Variants in TSC22D4 observed in about 807,000 individuals in gnomAD.
TSC22D4 encodes the protein TSC22 domain family protein 4.
TSC22D4 carries 5 observed loss-of-function variants against 24.9 expected under a neutral mutation model. That is an observed-to-expected ratio of 0.20 (90% CI 0.10 to 0.42). TSC22D4 has a LOEUF of 0.42. Ranked by LOEUF, TSC22D4 falls within the 10% of genes least tolerant of loss-of-function variation. The pLI is 1.00. For missense variants in TSC22D4, 469 were observed against 547.9 expected, an observed-to-expected ratio of 0.86 and a Z score of 1.44; for synonymous variants, 245 against 243.2, an observed-to-expected ratio of 1.01 and a Z score of -0.07.
chr7:100,477,767 G>T lies in TSC22D4; in HGVS notation c.272C>A (p.Thr91Lys), dbSNP rs201068905. The change falls in exon 2 of 5, where the codon ACG becomes AAG. Residue 91 changes from threonine to lysine, a missense_variant. By Grantham distance (78) the Thr-to-Lys change is moderately conservative (BLOSUM62 -1). Coordinates refer to ENST00000300181, the MANE Select transcript of TSC22D4 (RefSeq NM_030935.5). The surrounding 1 kb of genome is among the most constrained non-coding windows in gnomAD (Gnocchi z 7.8). ...LGEPYRRGRW[T>K]CVDVYERDLE... ...GTCTCGCTCATAAACATCCACACAC[G>T]TCCAGCGACCGCGGCGATAAGGCTC... The T allele has an allele frequency of 1.2e-6, 2 of 1,605,560 alleles. No homozygotes were observed. Among genetic ancestry groups the T allele is most frequent in the Non-Finnish European group, 1.7e-6 (2 of 1,179,828 alleles).
chr7:100,473,308 A>T (rs1414483301), intron 3 of TSC22D4, among the ~76,000 whole-genome samples: 1 of 152,054 alleles, frequency 6.6e-6, no homozygotes, highest in East Asian at 1.9e-4. Context: ...AAATCTTAGG[A>T]TCCTAAAGTA....
At chr7:100,476,043 G>A (rs969705724) in intron 2 of TSC22D4, among the ~76,000 whole-genome samples, 6 of 151,642 alleles carry the variant, frequency 4.0e-5, no homozygotes, top group African/African-American at 1.5e-4. Flanking sequence ...AGGCTGGGGA[G>A]TAGGGGGCAC....
intron 2 of TSC22D4, among the ~76,000 whole-genome samples, chr7:100,476,664 G>A (rs1404737057): frequency 6.6e-6 from 1 of 152,170 alleles, no homozygotes; most frequent in African/African-American, 2.4e-5. Context: ...ACGGGGGTGA[G>A]CCAGACAACT....
At chr7:100,471,655 G>A (rs1212982380) in intron 3 of TSC22D4, among the ~76,000 whole-genome samples, 1 of 152,098 alleles carries the variant, frequency 6.6e-6, no homozygotes, top group Non-Finnish European at 1.5e-5. Flanking sequence ...CAGGAGAATC[G>A]CTTAAACCTG....
Position 100,474,457 on chromosome 7 carries a change from A to C in TSC22D4, c.763-17T>G. ...TGGGGGCACCTGGAGGCGGAGAGGT[A>C]GGAACCATCACATGAAAAGAGAAAA... On this transcript the variant is annotated splice_polypyrimidine_tract_variant and intron_variant, in intron 2 of 4. Coordinates refer to ENST00000300181, the MANE Select transcript of TSC22D4 (RefSeq NM_030935.5). The surrounding 1 kb of genome is among the most constrained non-coding windows in gnomAD (Gnocchi z 4.3). 6.2e-7 allele frequency: 1 copy of C among 1,613,362 alleles called. No homozygotes were observed. Among genetic ancestry groups the C allele is most frequent in the Non-Finnish European group, 8.5e-7 (1 of 1,179,776 alleles).
Position 100,477,414 on chromosome 7 carries a change from C to T in TSC22D4, c.625G>A (p.Ala209Thr), listed in dbSNP as rs780327173. 2.5e-6 allele frequency: 4 copies of T among 1,593,746 alleles called. No homozygotes were observed. Among genetic ancestry groups the T allele is most frequent in the East Asian group, 2.2e-5 (1 of 44,696 alleles). The change falls in exon 2 of 5, where the codon GCT becomes ACT. Residue 209 changes from alanine to threonine, a missense_variant. By Grantham distance (58) the Ala-to-Thr change is moderately conservative. Coordinates refer to ENST00000300181, the MANE Select transcript of TSC22D4 (RefSeq NM_030935.5). The surrounding 1 kb of genome is among the most constrained non-coding windows in gnomAD (Gnocchi z 7.8). ...ETGESAGTSR[A>T]ATPLPSLRVE... is the part of the protein sequence containing the mutation. ...CTCAGAGAGGGCAGGGGCGTGGCAG[C>T]CCGGGATGTGCCCGCACTCTCACCG...
rs1799287059 is a variant in TSC22D4, at chr7:100,466,870, C to T, written c.*89G>A. 20 of 1,300,314 alleles carry T rather than the reference C, an allele frequency of 1.5e-5. No individual in the cohort carries two copies. The highest frequency in any genetic ancestry group is 3.0e-5 in the African/African-American group (2 of 66,832). The allele number at this position is 1,300,314 out of a possible 1,614,324, so 80.5% of individuals were successfully genotyped here. The stretch of plus-strand genomic sequence containing the variant: ...GCCTTGAACTCCCACCCCGGGGACA[C>T]GGGGACATTAAAGCTGCATAGGAAG... On this transcript the variant is annotated 3_prime_UTR_variant, in exon 5 of 5. Coordinates refer to ENST00000300181, the MANE Select transcript of TSC22D4 (RefSeq NM_030935.5).
intron 3 of TSC22D4, among the ~76,000 whole-genome samples, chr7:100,469,353 G>A (rs2131042056): frequency 6.6e-6 from 1 of 152,238 alleles, no homozygotes; most frequent in Non-Finnish European, 1.5e-5. Flanking sequence ...AGGAGCAACA[G>A]GGCTTGGAAG....
At chr7:100,467,628 G>A in intron 3 of TSC22D4, 28 bp from the exon 4 acceptor site, 8 of 1,613,292 alleles carry the variant, frequency 5.0e-6, no homozygotes, top group Non-Finnish European at 6.8e-6. Flanking sequence ...GGTGAGGGGA[G>A]GAGAGGAGAA....
intron 3 of TSC22D4, among the ~76,000 whole-genome samples, chr7:100,470,135 ACACT>A (rs1181796900): frequency 1.3e-5 from 2 of 152,298 alleles, no homozygotes; most frequent in East Asian, 3.9e-4. Flanking sequence ...ACCCCATTAA[ACACT>A]CACAGAGACC....
At chr7:100,470,486 G>C (rs548432360) in intron 3 of TSC22D4, among the ~76,000 whole-genome samples, 1 of 152,074 alleles carries the variant, frequency 6.6e-6, no homozygotes, top group African/African-American at 2.4e-5. Context: ...GGGAGCCTCC[G>C]GCAAAATGGG....
In TSC22D4 at chr7:100,477,121, G is replaced by T. The variant is rs577628177; in HGVS notation, c.762+156C>A. Reference sequence around the variant, plus strand: ...AGACAGAAAATGAAGTAGGAGGAAGGGGCTTCAGAGTGACCTGGCAGGCAC... The same window carrying T: ...AGACAGAAAATGAAGTAGGAGGAAGTGGCTTCAGAGTGACCTGGCAGGCAC... On this transcript the variant is annotated intron_variant, in intron 2 of 4. Coordinates refer to ENST00000300181, the MANE Select transcript of TSC22D4 (RefSeq NM_030935.5). This position sits in a 1 kb window ranked among gnomAD's most constrained non-coding sequence, Gnocchi z 7.8. 1.3e-5 allele frequency among the ~76,000 whole-genome samples: 2 copies of T among 151,120 alleles called. No homozygotes were observed. Among genetic ancestry groups the T allele is most frequent in the South Asian group, 2.1e-4 (1 of 4,804 alleles).
At chr7:100,476,426 A>T (rs1439395567) in intron 2 of TSC22D4, among the ~76,000 whole-genome samples, 1 of 151,910 alleles carries the variant, frequency 6.6e-6, no homozygotes, top group African/African-American at 2.4e-5. Context: ...CTTTCCCCAG[A>T]CCTCCGAGGT....
At position 100,467,604 on chromosome 7, in the gene TSC22D4, G is replaced by A. The variant is rs999035949; in HGVS notation, c.930-4C>T. On this transcript the variant is annotated splice_region_variant and splice_polypyrimidine_tract_variant and intron_variant, in intron 3 of 4. Transcript: ENST00000300181. ...GCCAACCAGGCTTCCGGAGCCACTGGAGAGACACAGGAAGGTGAGGGGAGG... is the reference window on the plus strand; with the variant it reads ...GCCAACCAGGCTTCCGGAGCCACTGAAGAGACACAGGAAGGTGAGGGGAGG... The A allele has an allele frequency of 1.9e-6, 3 of 1,614,074 alleles. No individual in the cohort carries two copies. Among genetic ancestry groups the A allele is most frequent in the Non-Finnish European group, 2.5e-6 (3 of 1,179,984 alleles).
At position 100,474,226 on chromosome 7, in the gene TSC22D4, G is replaced by A. The variant is rs747887591; in HGVS notation, c.929+48C>T. On this transcript the variant is annotated intron_variant, in intron 3 of 4. Coordinates refer to ENST00000300181, the MANE Select transcript of TSC22D4 (RefSeq NM_030935.5). This position sits in a 1 kb window ranked among gnomAD's most constrained non-coding sequence, Gnocchi z 4.3. ...TTCTTACAGCTACCCCGGGTGCTGGGCGGGGAACCTGAACCCCACGCCCCA... is the reference window on the plus strand; with the variant it reads ...TTCTTACAGCTACCCCGGGTGCTGGACGGGGAACCTGAACCCCACGCCCCA... The A allele has an allele frequency of 1.2e-6, 2 of 1,601,222 alleles. No individual in the cohort carries two copies. Among genetic ancestry groups the A allele is most frequent in the South Asian group, 1.1e-5 (1 of 90,644 alleles).
rs1340290128 is a variant in TSC22D4 at position 100,477,367 on chromosome 7, G to A, written c.672C>T (p.Gly224=). 1 of 1,587,254 alleles carries A rather than the reference G, an allele frequency of 6.3e-7. No homozygotes were observed. The highest frequency in any genetic ancestry group is 8.6e-7 in the Non-Finnish European group (1 of 1,167,278). ...PSLRVEAEAG[G]SGARTPPLSR... ...ACAGTGGAGGGGTCCTGGCCCCTGA[G>A]CCCCCAGCCTCCGCTTCCACCCTCA... Residue 224 remains glycine, a synonymous_variant, in exon 2 of 5, where the codon GGC becomes GGT. Transcript: ENST00000300181. The surrounding 1 kb of genome is among the most constrained non-coding windows in gnomAD (Gnocchi z 7.8).
At chr7:100,476,624 G>C (rs1445294855) in intron 2 of TSC22D4, among the ~76,000 whole-genome samples, 1 of 152,084 alleles carries the variant, frequency 6.6e-6, no homozygotes, top group Non-Finnish European at 1.5e-5. Flanking sequence ...GGTCACCCTC[G>C]AGTTATCAAT....
In TSC22D4 at chr7:100,466,663, C is replaced by A; in HGVS notation, c.*296G>T. 2.3e-6 allele frequency: 1 copy of A among 432,308 alleles called. No individual in the cohort carries two copies. Among genetic ancestry groups the A allele is most frequent in the Non-Finnish European group, 4.1e-6 (1 of 241,844 alleles). The allele number at this position is 432,308 out of a possible 1,614,324, so 26.8% of individuals were successfully genotyped here. ...GAACAAGATGGGGGTGGGGTGTCTG[C>A]CGGGGAGCCTCCGACTCCCCCAAGC... On this transcript the variant is annotated 3_prime_UTR_variant, in exon 5 of 5. Coordinates refer to ENST00000300181, the MANE Select transcript of TSC22D4 (RefSeq NM_030935.5).
At chr7:100,472,876 C>T (rs1563181490) in intron 3 of TSC22D4, among the ~76,000 whole-genome samples, 1 of 152,052 alleles carries the variant, frequency 6.6e-6, no homozygotes, top group Non-Finnish European at 1.5e-5. Context: ...CAGGAAGGAG[C>T]GACTCCCATC....
Sources: allele counts gnomAD v4.1 joint callset (sites outside exome capture counted in the v4.1 genomes callset), GRCh38; gene constraint gnomAD v4.1.1; non-coding constraint Gnocchi (gnomAD v3.1); transcripts MANE v1.5; gene names NCBI Gene and HGNC (gene_info 2026-07-23, HGNC 2026-07-21).